GRM7: variants seen among roughly 807,000 people sequenced by gnomAD.
The protein encoded by GRM7 is metabotropic glutamate receptor 7.
A neutral mutation model predicts 84.5 loss-of-function variants in GRM7; 35 were observed. The observed-to-expected ratio is 0.41, with a 90% CI of 0.32 to 0.55. GRM7 has a LOEUF of 0.55. Ranked by LOEUF, GRM7 falls within the 20% of genes least tolerant of loss-of-function variation. The probability of loss-of-function intolerance (pLI) is 0.19; values close to 1 mark genes in which losing one functional copy is unlikely to be tolerated. For synonymous variants in GRM7, 487 were observed against 455.1 expected, an observed-to-expected ratio of 1.07 and a Z score of -0.89; for missense variants, 1,003 against 1,194.6, an observed-to-expected ratio of 0.84 and a Z score of 2.36.
At chr3:7,479,180 G>A (rs1699037576) in intron 7 of GRM7, among the ~76,000 whole-genome samples, 1 of 152,070 alleles carries the variant, frequency 6.6e-6, no homozygotes, top group Non-Finnish European at 1.5e-5. Context: ...GAAAGGGAAA[G>A]AGGCCAGGAC....
intron 1 of GRM7, among the ~76,000 whole-genome samples, chr3:7,024,294 G>A (rs1178184843): frequency 6.6e-6 from 1 of 152,084 alleles, no homozygotes; most frequent in African/African-American, 2.4e-5. Flanking sequence ...AAGAGGGAGG[G>A]GTAATATATG....
At chr3:7,144,571 A>G (rs1377163733) in intron 1 of GRM7, among the ~76,000 whole-genome samples, 1 of 152,118 alleles carries the variant, frequency 6.6e-6, no homozygotes, top group African/African-American at 2.4e-5. Context: ...AAAACATACC[A>G]TTCTTTATTT....
intron 2 of GRM7, among the ~76,000 whole-genome samples, chr3:7,292,965 C>T (rs1281156474): frequency 2.1e-5 from 3 of 144,916 alleles, no homozygotes; most frequent in East Asian, 2.0e-4. Flanking sequence ...ACCCAGGAGG[C>T]GGAGGTTGCA....
At chr3:6,951,451 T>A (rs940811747) in intron 1 of GRM7, among the ~76,000 whole-genome samples, 4 of 152,198 alleles carry the variant, frequency 2.6e-5, no homozygotes, top group Admixed American at 2.6e-4. Flanking sequence ...AGTACTACTT[T>A]AGTGGTATTC....
chr3:7,716,084 G>T (rs1701762258), intron 9 of GRM7, among the ~76,000 whole-genome samples: 2 of 152,142 alleles, frequency 1.3e-5, no homozygotes, highest in South Asian at 4.1e-4. Flanking sequence ...GAATGCAGGG[G>T]TATCTGAGAA....
chr3:6,995,177 T>A (rs1345208096), intron 1 of GRM7, among the ~76,000 whole-genome samples: 3 of 152,146 alleles, frequency 2.0e-5, no homozygotes, highest in African/African-American at 4.8e-5. Context: ...GAGACATGAG[T>A]GATAAATGCA....
chr3:7,581,789 A>G (rs529330851), intron 8 of GRM7, among the ~76,000 whole-genome samples: 3 of 152,320 alleles, frequency 2.0e-5, no homozygotes, highest in African/African-American at 7.2e-5. Context: ...TGAGTATGCT[A>G]GGAATATCTG....
chr3:7,003,265 G>C (rs1695075282), intron 1 of GRM7, among the ~76,000 whole-genome samples: 1 of 152,046 alleles, frequency 6.6e-6, no homozygotes, highest in African/African-American at 2.4e-5. Context: ...AAAAATAAAG[G>C]ATAAGTCAGT....
intron 5 of GRM7, among the ~76,000 whole-genome samples, chr3:7,423,556 G>A (rs930171476): frequency 3.9e-5 from 6 of 152,120 alleles, no homozygotes; most frequent in African/African-American, 1.4e-4. Context: ...AAGGGTTGTG[G>A]AATGACTTAT....
At chr3:7,135,766 G>A (rs4279086) in intron 1 of GRM7, among the ~76,000 whole-genome samples, 4,360 of 152,128 alleles carry the variant, frequency 0.029, 162 homozygotes, top group African/African-American at 0.087. Context: ...AAGGGAGGAA[G>A]TTAACATGCA....
At chr3:7,237,864 G>T (rs1440861978) in intron 2 of GRM7, among the ~76,000 whole-genome samples, 10 of 152,068 alleles carry the variant, frequency 6.6e-5, no homozygotes, top group Admixed American at 5.2e-4. Flanking sequence ...GTGCTGATTG[G>T]TGCGTTTACA....
At chr3:7,495,810 A>G (rs924238417) in intron 7 of GRM7, among the ~76,000 whole-genome samples, 4 of 152,160 alleles carry the variant, frequency 2.6e-5, no homozygotes, top group African/African-American at 9.7e-5. Flanking sequence ...GGATAGGGGA[A>G]CACAAGTAGC....
intron 1 of GRM7, among the ~76,000 whole-genome samples, chr3:6,897,725 G>A (rs1164818958): frequency 2.0e-5 from 3 of 152,210 alleles, no homozygotes; most frequent in Non-Finnish European, 2.9e-5. Flanking sequence ...TAGAAGAAAT[G>A]TATTAAGAAG....
At chr3:7,398,006 C>T (rs559837766) in intron 4 of GRM7, among the ~76,000 whole-genome samples, 2 of 152,020 alleles carry the variant, frequency 1.3e-5, no homozygotes, top group African/African-American at 4.8e-5. Context: ...AAACACCAAC[C>T]CCCCACCAAA....
intron 5 of GRM7, among the ~76,000 whole-genome samples, chr3:7,442,344 G>A: frequency 6.6e-6 from 1 of 152,058 alleles, no homozygotes. Flanking sequence ...TGCTGAAATT[G>A]TTCTGGGAGC....
intron 1 of GRM7, among the ~76,000 whole-genome samples, chr3:7,044,994 G>T (rs1696752312): frequency 6.6e-6 from 1 of 152,142 alleles, no homozygotes; most frequent in South Asian, 2.1e-4. Context: ...GACATGTACT[G>T]TTGAATGATT....
At chr3:7,108,969 G>A (rs1458188075) in intron 1 of GRM7, among the ~76,000 whole-genome samples, 1 of 152,038 alleles carries the variant, frequency 6.6e-6, no homozygotes, top group Non-Finnish European at 1.5e-5. Flanking sequence ...TTTTTTCCCA[G>A]AGTAATGTTA....
At chr3:7,304,211 T>G (rs2125030163) in intron 3 of GRM7, among the ~76,000 whole-genome samples, 1 of 151,914 alleles carries the variant, frequency 6.6e-6, no homozygotes, top group East Asian at 1.9e-4. Flanking sequence ...ATATGCAAGT[T>G]CTATTTGTAT....
At chr3:7,614,967 A>C (rs17722988) in intron 8 of GRM7, among the ~76,000 whole-genome samples, 34,959 of 151,998 alleles carry the variant, frequency 0.23, 4,142 homozygotes, top group Non-Finnish European at 0.24. Flanking sequence ...TTCAGTTTTT[A>C]TTCTATCTGT....
Sources: gnomAD v4.1 joint callset for allele counts (sites outside exome capture counted in the v4.1 genomes callset) on GRCh38, gnomAD v4.1.1 for gene constraint, MANE v1.5 for transcripts, NCBI Gene and HGNC (gene_info 2026-07-23, HGNC 2026-07-21) for gene names.